TRNT1: variants seen among roughly 807,000 people sequenced by gnomAD.
TRNT1 encodes CCA tRNA nucleotidyltransferase 1, mitochondrial.
Under a neutral mutation model 45.6 loss-of-function variants are expected in TRNT1, and 44 were observed. The observed-to-expected ratio is 0.97, with a 90% CI of 0.76 to 1.24. The LOEUF is 1.24. Ranked by LOEUF, TRNT1 falls within the 50% of genes most tolerant of loss-of-function variation. TRNT1 has a pLI of 0.00. For synonymous variants in TRNT1, 201 were observed against 171.4 expected (o/e 1.17, Z -1.35); for missense variants, 633 against 504.4 (o/e 1.25, Z -2.44).
At chr3:3,147,321 C>A in intron 6 of TRNT1, 129 bp from the exon 7 acceptor site, 1 of 1,033,750 alleles carries the variant, frequency 9.7e-7, no homozygotes, top group Non-Finnish European at 1.4e-6. Flanking sequence ...GTTGGAACAT[C>A]AGACTGAACC....
downstream of TRNT1, chr3:3,149,168 A>C (rs1559234705): frequency 6.6e-6 from 1 of 152,136 alleles, no homozygotes; most frequent in African/African-American, 2.4e-5. Flanking sequence ...GTAGAGTGTA[A>C]TATTTCTAAG....
At chr3:3,146,331 A>T in intron 5 of TRNT1, 99 bp from the exon 6 acceptor site, 1 of 837,126 alleles carries the variant, frequency 1.2e-6, no homozygotes, top group Non-Finnish European at 1.8e-6. Flanking sequence ...TGTTTTCATT[A>T]AGCAGATGTA....
At chr3:3,134,497 AAAT>A (rs1705206899) in intron 2 of TRNT1, among the ~76,000 whole-genome samples, 2 of 152,194 alleles carry the variant, frequency 1.3e-5, no homozygotes, top group African/African-American at 4.8e-5. Flanking sequence ...CTTACTGAGT[AAAT>A]TTGAACTTAT....
chr3:3,149,977 G>GTAGA (rs1292412880), downstream of TRNT1: 2 of 152,232 alleles, frequency 1.3e-5, no homozygotes, highest in East Asian at 1.9e-4. Context: ...AAAATTATGA[G>GTAGA]TAGATATTTT....
At chr3:3,139,297 A>G (rs1705499981) in intron 3 of TRNT1, among the ~76,000 whole-genome samples, 1 of 152,218 alleles carries the variant, frequency 6.6e-6, no homozygotes, top group African/African-American at 2.4e-5. Context: ...CTTTGCCTTC[A>G]GAGATACTTG....
chr3:3,135,292 T>A (rs1169856094), intron 2 of TRNT1, among the ~76,000 whole-genome samples: 1 of 152,100 alleles, frequency 6.6e-6, no homozygotes, highest in Non-Finnish European at 1.5e-5. Context: ...ACAGACAGTG[T>A]GATGCAGAGT....
chr3:3,140,099 C>T (rs1345407196), intron 3 of TRNT1, among the ~76,000 whole-genome samples: 2 of 152,172 alleles, frequency 1.3e-5, no homozygotes, highest in Non-Finnish European at 2.9e-5. Flanking sequence ...TATTCTTTAT[C>T]AGTCTTTCGC....
intron 3 of TRNT1, among the ~76,000 whole-genome samples, chr3:3,138,258 A>G (rs1385971473): frequency 6.6e-6 from 1 of 152,184 alleles, no homozygotes; most frequent in African/African-American, 2.4e-5. Context: ...TTTCACCTCC[A>G]TGGTGGTTTG....
downstream of TRNT1, chr3:3,153,245 T>C: frequency 1.8e-6 from 1 of 562,174 alleles, no homozygotes; most frequent in Admixed American, 3.1e-5. Flanking sequence ...ACATGCATTG[T>C]TGCTCTGAGT....
At chr3:3,143,025 T>C (rs1165541603) in intron 4 of TRNT1, among the ~76,000 whole-genome samples, 1 of 152,192 alleles carries the variant, frequency 6.6e-6, no homozygotes, top group East Asian at 1.9e-4. Flanking sequence ...TTTGGGATAA[T>C]CAGAGAACAT....
chr3:3,139,944 G>A (rs987159403), intron 3 of TRNT1, among the ~76,000 whole-genome samples: 1 of 152,072 alleles, frequency 6.6e-6, no homozygotes, highest in Non-Finnish European at 1.5e-5. Context: ...GCCCAGGCTG[G>A]TCTTGAACTC....
At chr3:3,129,486 C>G (rs1225575517) in intron 2 of TRNT1, 1 of 396,058 alleles carries the variant, frequency 2.5e-6, no homozygotes, top group Non-Finnish European at 4.7e-6. Flanking sequence ...CTTGGGGAGG[C>G]CAAGGTAGGA....
chr3:3,146,452 A>C lies in TRNT1; in HGVS notation c.631A>C (p.Lys211Gln), dbSNP rs372027157. The C allele has an allele frequency of 7.4e-6, 12 of 1,612,478 alleles. No individual in the cohort carries two copies. Among genetic ancestry groups the C allele is most frequent in the Non-Finnish European group, 7.6e-6 (9 of 1,179,504 alleles). ...TAGGTTTTATGGGAGAATTGTAGACAAACCTGGTGACCATGATCCTGAGAC... is the reference window on the plus strand; with the variant it reads ...TAGGTTTTATGGGAGAATTGTAGACCAACCTGGTGACCATGATCCTGAGAC... ...YFRFYGRIVD[K>Q]PGDHDPETLE... The change falls in exon 6 of 8, where the codon AAA (lysine) becomes CAA (glutamine). Residue 211 changes from lysine (K) to glutamine (Q), a missense_variant. Coordinates refer to ENST00000251607, the MANE Select transcript of TRNT1 (RefSeq NM_182916.3).
downstream of TRNT1, chr3:3,150,714 T>A (rs1706470633): frequency 1.3e-6 from 1 of 752,106 alleles, no homozygotes; most frequent in African/African-American, 1.8e-5. Flanking sequence ...AAATACAGTT[T>A]CACTTAGAAA....
chr3:3,130,243 C>T (rs147742070), intron 2 of TRNT1: 1 of 383,370 alleles, frequency 2.6e-6, no homozygotes, highest in African/African-American at 2.1e-5. Flanking sequence ...AGCACACATG[C>T]TCGGGTTCTA....
intron 2 of TRNT1, chr3:3,129,771 TG>T: frequency 8.6e-7 from 1 of 1,158,710 alleles, no homozygotes; most frequent in Non-Finnish European, 1.3e-6. Context: ...CATTTTGACC[TG>T]TTACGTGAAA....
In TRNT1 at chr3:3,147,765, A is replaced by G. The variant is rs1000337613; in HGVS notation, c.1056+62A>G. The G allele has an allele frequency of 3.3e-6, 5 of 1,535,046 alleles. No individual in the cohort carries two copies. The East Asian group carries it at 9.1e-5, about 28-fold the overall frequency. On this transcript the variant is annotated intron_variant, in intron 7 of 7. Coordinates refer to ENST00000251607, the MANE Select transcript of TRNT1 (RefSeq NM_182916.3). Reference sequence around the variant, plus strand: ...ATCGTCACGAATTTAGAATTAATTTATTAAAACTAAGATCTACAAATCTGT... The same window carrying G: ...ATCGTCACGAATTTAGAATTAATTTGTTAAAACTAAGATCTACAAATCTGT...
intron 5 of TRNT1, chr3:3,145,716 A>T (rs1335807989): frequency 6.6e-6 from 1 of 152,126 alleles, no homozygotes; most frequent in Non-Finnish European, 1.5e-5. Context: ...TATTTTGTCA[A>T]TGTAGTTTCT....
downstream of TRNT1, among the ~76,000 whole-genome samples, chr3:3,151,807 T>C (rs1036947488): frequency 5.8e-5 from 8 of 137,902 alleles, no homozygotes; most frequent in Non-Finnish European, 9.4e-5. Context: ...CCCAGGATCA[T>C]AGAGAATCAT....
Sources: allele counts gnomAD v4.1 joint callset (sites outside exome capture counted in the v4.1 genomes callset), GRCh38; gene constraint gnomAD v4.1.1; transcripts MANE v1.5; gene names NCBI Gene and HGNC (gene_info 2026-07-23, HGNC 2026-07-21).